Variants in SKI observed in about 807,000 individuals in gnomAD.
SKI encodes SKI proto-oncogene, also known as ski oncogene.
SKI carries 23 observed loss-of-function variants against 59.3 expected under a neutral mutation model. The ratio of observed to expected loss-of-function variants is 0.39; its 90% CI spans 0.28 to 0.55. The LOEUF (loss-of-function observed/expected upper bound fraction) is 0.55. SKI is among the 20% of genes least tolerant of loss of function. The probability of loss-of-function intolerance (pLI) is 0.67; values close to 1 mark genes in which losing one functional copy is unlikely to be tolerated. For synonymous variants in SKI, 673 were observed against 488.6 expected, an observed-to-expected ratio of 1.38 and a Z score of -4.98; for missense variants, 1,017 against 1,038.9, an observed-to-expected ratio of 0.98 and a Z score of 0.29.
At position 2,234,739 on chromosome 1, in the gene SKI, C is replaced by CA. The variant is rs1288826892; in HGVS notation, c.969+5005dup. On this transcript the variant is annotated intron_variant, in intron 1 of 6. Coordinates refer to ENST00000378536, the MANE Select transcript of SKI (RefSeq NM_003036.4). ...TGCGAAAGTTGAGGGAGGATTTCTC[C>CA]ACTGGAAGAATTATGCAAGCTTCAA... Among the ~76,000 whole-genome samples, 3 of 152,380 alleles carry CA rather than the reference C, an allele frequency of 2.0e-5. No homozygotes were observed. In the Middle Eastern group the frequency reaches 0.01, roughly 518 times the overall value.
intron 1 of SKI, among the ~76,000 whole-genome samples, chr1:2,254,285 C>T (rs368678192): frequency 4.6e-5 from 7 of 152,216 alleles, no homozygotes; most frequent in East Asian, 2.0e-4. Context: ...GGTCTCCATG[C>T]GTGGTGCCCG....
intron 1 of SKI, among the ~76,000 whole-genome samples, chr1:2,294,857 C>T (rs575134177): frequency 2.0e-5 from 3 of 152,350 alleles, no homozygotes; most frequent in East Asian, 1.9e-4. Context: ...AGGATCCACC[C>T]TCCACGTTAT....
intron 1 of SKI, among the ~76,000 whole-genome samples, chr1:2,299,773 A>G (rs1192276762): frequency 6.6e-6 from 1 of 152,206 alleles, no homozygotes; most frequent in African/African-American, 2.4e-5. Context: ...CAGGCAGGAA[A>G]GGGTCCCCAA....
At chr1:2,296,062 T>TC (rs564645750) in intron 1 of SKI, among the ~76,000 whole-genome samples, 1 of 152,078 alleles carries the variant, frequency 6.6e-6, no homozygotes, top group African/African-American at 2.4e-5. Flanking sequence ...TTCCTGTGTC[T>TC]CCATGTCATC....
At chr1:2,247,125 A>T (rs1639016372) in intron 1 of SKI, among the ~76,000 whole-genome samples, 2 of 152,244 alleles carry the variant, frequency 1.3e-5, no homozygotes, top group East Asian at 1.9e-4. Context: ...AGGCTGAGGC[A>T]GGAGAATCAC....
chr1:2,308,724 G>A lies in SKI; in HGVS notation c.*1959G>A, dbSNP rs928505705. 3 of 152,168 alleles carry A rather than the reference G, an allele frequency of 2.0e-5. No homozygotes were observed. Among genetic ancestry groups the A allele is most frequent in the Non-Finnish European group, 4.4e-5 (3 of 68,046 alleles). The allele number at this position is 152,168 out of a possible 1,614,324, so 9.4% of individuals were successfully genotyped here. A position where few individuals can be genotyped will look rare whatever the true frequency, so the allele number is the denominator to read the frequency against. On this transcript the variant is annotated 3_prime_UTR_variant, in exon 7 of 7. Transcript: ENST00000378536. The stretch of plus-strand genomic sequence containing the variant: ...GTCGCCAGGTCGAAGATCACAGTGA[G>A]GTAGAGGCCCTGCCCCATCCCCAGG...
rs371545769 is a variant in SKI, at chr1:2,289,495, G to A, written c.970-13483G>A. 2.2e-4 allele frequency among the ~76,000 whole-genome samples: 31 copies of A among 143,480 alleles called. No homozygotes were observed. In the East Asian group the frequency reaches 3.6e-3, roughly 17 times the overall value. The allele number at this position is 143,480 out of a possible 152,430, so 94.1% of individuals were successfully genotyped here. A position where few individuals can be genotyped will look rare whatever the true frequency, so the allele number is the denominator to read the frequency against. ...AGGGCAGGGCAGGAGAACCAAGATC[G>A]TGGGGGTGGGGGGGTGCAGGGCAGG... On this transcript the variant is annotated intron_variant, in intron 1 of 6. Transcript: ENST00000378536.
intron 1 of SKI, among the ~76,000 whole-genome samples, chr1:2,250,863 C>T (rs1307269445): frequency 7.2e-5 from 11 of 152,386 alleles, no homozygotes; most frequent in South Asian, 2.1e-4. Flanking sequence ...AGGGCCCGGA[C>T]GGGCAGGTGG....
At chr1:2,277,465 C>G (rs1219930312) in intron 1 of SKI, among the ~76,000 whole-genome samples, 1 of 152,184 alleles carries the variant, frequency 6.6e-6, no homozygotes, top group Admixed American at 6.5e-5. Flanking sequence ...GGGGTTTCTG[C>G]TTTTGCTTCC....
At position 2,269,904 on chromosome 1, in the gene SKI, C is replaced by T. The variant is rs1340303066; in HGVS notation, c.970-33074C>T. 2.8e-5 allele frequency among the ~76,000 whole-genome samples: 3 copies of T among 107,964 alleles called. No homozygotes were observed. The highest frequency in any genetic ancestry group is 1.2e-4 in the African/African-American group (3 of 25,268). 70.8% of individuals were successfully genotyped at this position (107,964 alleles called of 152,430 possible). ...CGGGTCTCGTGGTGCCTGTGGCTGG[C>T]GTGGGTCTGGCGGGTCTGGTGGTGC... is the stretch of plus-strand genomic sequence containing the variant. On this transcript the variant is annotated intron_variant, in intron 1 of 6. Coordinates refer to ENST00000378536, the MANE Select transcript of SKI (RefSeq NM_003036.4). The surrounding 1 kb of genome is among the most constrained non-coding windows in gnomAD (Gnocchi z 4.7).
intron 6 of SKI, 136 bp downstream of exon 6, chr1:2,306,386 C>G (rs986520369): frequency 6.3e-5 from 64 of 1,014,892 alleles, no homozygotes; most frequent in South Asian, 4.3e-4. Context: ...GCGTGCCCCC[C>G]CGACGGGCAC....
intron 6 of SKI, 150 bp downstream of exon 6, chr1:2,306,400 G>A: frequency 1.0e-6 from 1 of 998,068 alleles, no homozygotes; most frequent in Non-Finnish European, 1.4e-6. Flanking sequence ...CGGGCACAGG[G>A]TGGGTGGTTG....
chr1:2,257,162 TG>T (rs1051424404), intron 1 of SKI, among the ~76,000 whole-genome samples: 2 of 152,272 alleles, frequency 1.3e-5, no homozygotes, highest in African/African-American at 2.4e-5. Flanking sequence ...TTGTGACTTG[TG>T]GATGCTGTAT....
At chr1:2,258,777 G>A (rs933616229) in intron 1 of SKI, among the ~76,000 whole-genome samples, 6 of 152,056 alleles carry the variant, frequency 3.9e-5, no homozygotes, top group Non-Finnish European at 4.4e-5. Context: ...TTGAACTCCT[G>A]ACCTTGTGAG....
chr1:2,305,914 A>G, intron 5 of SKI, 106 bp from the exon 6 acceptor site: 9 of 897,828 alleles, frequency 1.0e-5, no homozygotes, highest in Non-Finnish European at 1.3e-5. Flanking sequence ...TCCAGGGCAC[A>G]TTGTCAGATA....
chr1:2,228,808 C>T lies in SKI; in HGVS notation c.42C>T (p.His14=), dbSNP rs543603037. ...AAGGRGCFQP[H]PGLQKTLEQF... ...GCGGCCGCGGCTGTTTCCAGCCGCA[C>T]CCGGGGCTGCAGAAGACGCTGGAGC... is the stretch of plus-strand genomic sequence containing the variant. The change falls in exon 1 of 7, where the codon CAC becomes CAT. Residue 14 remains histidine, a synonymous_variant. Coordinates refer to ENST00000378536, the MANE Select transcript of SKI (RefSeq NM_003036.4). 38 of 1,359,362 alleles carry T rather than the reference C, an allele frequency of 2.8e-5. No homozygotes were observed. In the African/African-American group the frequency reaches 5.6e-4, roughly 20 times the overall value. The allele number at this position is 1,359,362 out of a possible 1,614,324, so 84.2% of individuals were successfully genotyped here. A position where few individuals can be genotyped will look rare whatever the true frequency, so the allele number is the denominator to read the frequency against.
intron 1 of SKI, among the ~76,000 whole-genome samples, chr1:2,233,944 C>CGG (rs1278718703): frequency 6.6e-6 from 1 of 152,156 alleles, no homozygotes. Flanking sequence ...GGGAGCACTT[C>CGG]GGGGGCTATC....
chr1:2,246,725 G>A (rs535428413), intron 1 of SKI, among the ~76,000 whole-genome samples: 2 of 152,332 alleles, frequency 1.3e-5, no homozygotes, highest in East Asian at 1.9e-4. Context: ...TGCTGGGGCC[G>A]AAGGCTGTGA....
intron 1 of SKI, among the ~76,000 whole-genome samples, chr1:2,244,259 T>C (rs1414959393): frequency 6.7e-6 from 1 of 148,328 alleles, no homozygotes; most frequent in Non-Finnish European, 1.5e-5. Context: ...CCACTGCACC[T>C]GGCCCCTCCT....
Sources: allele counts gnomAD v4.1 joint callset (sites outside exome capture counted in the v4.1 genomes callset), GRCh38; gene constraint gnomAD v4.1.1; non-coding constraint Gnocchi (gnomAD v3.1); transcripts MANE v1.5; gene names NCBI Gene and HGNC (gene_info 2026-07-23, HGNC 2026-07-21).